The following LAMC2 variants were observed in gnomAD, a reference collection of about 807,000 sequenced individuals.
LAMC2 encodes the protein laminin subunit gamma 2.
Under a neutral mutation model 140.2 loss-of-function variants are expected in LAMC2, and 97 were observed. The ratio of observed to expected loss-of-function variants is 0.69; its 90% confidence interval spans 0.59 to 0.82. LAMC2 has a LOEUF of 0.82. Among genes scored for constraint, LAMC2 ranks in the 40% least tolerant of loss-of-function variants. The probability of loss-of-function intolerance (pLI) is 0.00; values close to 1 mark genes in which losing one functional copy is unlikely to be tolerated. For missense variants in LAMC2, 1,402 were observed against 1,476.1 expected, an observed-to-expected ratio of 0.95 and a Z score of 0.82; for synonymous variants, 513 against 540.2, an observed-to-expected ratio of 0.95 and a Z score of 0.70.
chr1:183,243,574 C>A lies in LAMC2; in HGVS notation c.*174C>A, dbSNP rs1660184071. ...ATGGCCAGGTGGTTGTCTTATTGCACCATACTCCTTGCTTCCTGATGCTGG... is the reference window on the plus strand; with the variant it reads ...ATGGCCAGGTGGTTGTCTTATTGCAACATACTCCTTGCTTCCTGATGCTGG... On this transcript the variant is annotated 3_prime_UTR_variant, in exon 23 of 23. Transcript: ENST00000264144. The A allele has an allele frequency of 5.4e-6, 4 of 734,620 alleles. No individual in the cohort carries two copies. The African/African-American group carries it at 6.9e-5, about 13-fold the overall frequency. The allele number at this position is 734,620 out of a possible 1,614,324, so 45.5% of individuals were successfully genotyped here.
At chr1:183,249,445 C>T (rs200643389), downstream of LAMC2, 1 of 152,150 alleles carries the variant, frequency 6.6e-6, no homozygotes, top group African/African-American at 2.4e-5. Context: ...CATGATTGTT[C>T]CAGTCCATGC....
chr1:183,227,651 G>A lies in LAMC2; in HGVS notation c.1422G>A (p.Pro474=), dbSNP rs148065050. The A allele has an allele frequency of 1.3e-4, 207 of 1,614,090 alleles. 1 individual carries two copies. The highest frequency in any genetic ancestry group is 8.2e-4 in the Middle Eastern group (5 of 6,084). ...CHNGFSCSVM[P]ETEEVVCNNC... Reference sequence around the variant, plus strand: ...ACGGGTTCAGCTGCTCAGTGATGCCGGAGACGGAGGAGGTGGTGTGCAATA... The same window carrying A: ...ACGGGTTCAGCTGCTCAGTGATGCCAGAGACGGAGGAGGTGGTGTGCAATA... Residue 474 remains proline (P), a synonymous_variant, in exon 10 of 23, where the codon CCG becomes CCA. Coordinates refer to ENST00000264144, the MANE Select transcript of LAMC2 (RefSeq NM_005562.3).
chr1:183,201,408 T>C (rs2102183716), intron 1 of LAMC2, among the ~76,000 whole-genome samples: 1 of 152,326 alleles, frequency 6.6e-6, no homozygotes, highest in East Asian at 1.9e-4. Flanking sequence ...TACTGAGCTT[T>C]TTCCCACCTT....
At chr1:183,203,668 A>G (rs746344553) in intron 1 of LAMC2, among the ~76,000 whole-genome samples, 3 of 151,984 alleles carry the variant, frequency 2.0e-5, no homozygotes, top group Admixed American at 1.3e-4. Context: ...CAAAGACTCA[A>G]TACTGAGTTA....
At chr1:183,221,715 C>T (rs1434954408) in intron 5 of LAMC2, among the ~76,000 whole-genome samples, 1 of 148,764 alleles carries the variant, frequency 6.7e-6, no homozygotes, top group East Asian at 2.0e-4. Flanking sequence ...GGTGACAGAG[C>T]GAGACTCCGT....
chr1:183,220,542 G>A (rs1659434850), intron 4 of LAMC2, among the ~76,000 whole-genome samples: 1 of 151,880 alleles, frequency 6.6e-6, no homozygotes, highest in African/African-American at 2.4e-5. Context: ...TCCTACCAAG[G>A]ACTGGCCGAC....
At position 183,232,798 on chromosome 1, in the gene LAMC2, A is replaced by G. The variant is rs778547833; in HGVS notation, c.2161A>G (p.Arg721Gly). Residue 721 changes from arginine (R) to glycine (G), a missense_variant, in exon 14 of 23, where the codon AGG (arginine) becomes GGG (glycine). By Grantham distance (125) the Arg-to-Gly change is moderately radical. Transcript: ENST00000264144. ...CCAGAACCGAGTTCGGGATACTCAC[A>G]GGCTCATCACTCAGATGCAGCTGAG... ...QYQNRVRDTH[R>G]LITQMQLSLA... The G allele has an allele frequency of 5.0e-6, 8 of 1,614,092 alleles. No individual in the cohort carries two copies. The highest frequency in any genetic ancestry group is 6.8e-6 in the Non-Finnish European group (8 of 1,180,024).
At chr1:183,256,571 T>G in the LAMC2 span, among the ~76,000 whole-genome samples, 1 of 152,238 alleles carries the variant, frequency 6.6e-6, no homozygotes, top group Non-Finnish European at 1.5e-5. Flanking sequence ...TGGTTTTATC[T>G]TTCAGTCTAT....
intron 2 of LAMC2, among the ~76,000 whole-genome samples, chr1:183,208,587 CTT>C (rs1000124753): frequency 7.2e-5 from 11 of 152,200 alleles, no homozygotes; most frequent in Admixed American, 2.6e-4. Flanking sequence ...AAATTGAAGT[CTT>C]TCATTAGGTT....
rs921888967 is a variant in LAMC2 at position 183,235,683 on chromosome 1, C to T, written c.2409C>T (p.Ser803=). Residue 803 remains serine, a synonymous_variant, in exon 16 of 23, where the codon AGC becomes AGT. Transcript: ENST00000264144. ...VRKALHEGVG[S]GSGSPDGAVV... is the part of the protein sequence containing the mutation. ...AGGCCCTGCATGAAGGAGTCGGAAG[C>T]GGAAGCGGTAGCCCGGACGGTGCTG... The T allele has an allele frequency of 6.2e-7, 1 of 1,614,222 alleles. No homozygotes were observed.
chr1:183,209,444 C>A (rs1659005670), intron 2 of LAMC2, among the ~76,000 whole-genome samples: 1 of 152,148 alleles, frequency 6.6e-6, no homozygotes, highest in African/African-American at 2.4e-5. Flanking sequence ...TCGCAGCAGT[C>A]ACCCCCCAAA....
At chr1:183,196,142 AT>A (rs34105869) in intron 1 of LAMC2, among the ~76,000 whole-genome samples, 33 of 148,282 alleles carry the variant, frequency 2.2e-4, no homozygotes, top group South Asian at 1.5e-3. Context: ...GATAAAAATG[AT>A]TTTTTTTTTT....
chr1:183,235,278 C>T (rs1326456883), intron 15 of LAMC2, among the ~76,000 whole-genome samples: 1 of 152,150 alleles, frequency 6.6e-6, no homozygotes, highest in East Asian at 1.9e-4. Flanking sequence ...CTTACAGATG[C>T]AGTGTTTTAT....
intron 1 of LAMC2, among the ~76,000 whole-genome samples, chr1:183,191,160 A>C (rs541976525): frequency 9.9e-5 from 15 of 151,972 alleles, no homozygotes; most frequent in South Asian, 2.1e-4. Context: ...AGTACCCTAT[A>C]ATATGCAAGA....
At chr1:183,217,636 C>T (rs762567236) in intron 3 of LAMC2, among the ~76,000 whole-genome samples, 1 of 152,100 alleles carries the variant, frequency 6.6e-6, no homozygotes, top group Non-Finnish European at 1.5e-5. Context: ...AAGCCAGTCA[C>T]GAAAGACCAC....
At chr1:183,231,306 T>C (rs1659794249) in intron 12 of LAMC2, among the ~76,000 whole-genome samples, 1 of 152,226 alleles carries the variant, frequency 6.6e-6, no homozygotes. Flanking sequence ...ATATATACCA[T>C]TTTCAAAACC....
chr1:183,222,129 T>G lies in LAMC2; in HGVS notation c.681T>G (p.Pro227=). 6.2e-7 allele frequency: 1 copy of G among 1,614,158 alleles called. No individual in the cohort carries two copies. The highest frequency in any genetic ancestry group is 1.1e-5 in the South Asian group (1 of 91,080). Residue 227 remains proline (P), a synonymous_variant, in exon 6 of 23, where the codon CCT becomes CCG. Transcript: ENST00000264144. ...AGGCTGTCCAACGAAATGGGTCTCC[T>G]GCAAAGCTCCAATGGTCACAGCGCC... ...GWKAVQRNGS[P]AKLQWSQRHQ... is the part of the protein sequence containing the mutation.
chr1:183,220,776 A>T (rs758281105), intron 4 of LAMC2, 49 bp from the exon 5 acceptor site: 17 of 1,567,674 alleles, frequency 1.1e-5, no homozygotes, highest in Admixed American at 3.4e-5. Context: ...TTTTTTCTAT[A>T]GAATAAAAAA....
At chr1:183,252,833 T>TTGTA in the LAMC2 span, 3 of 909,824 alleles carry the variant, frequency 3.3e-6, no homozygotes, top group Non-Finnish European at 5.4e-6. Context: ...AGCACCCCAT[T>TTGTA]TGTAGCCTTT....
Sources: allele counts gnomAD v4.1 joint callset (sites outside exome capture counted in the v4.1 genomes callset), GRCh38; gene constraint gnomAD v4.1.1; transcripts MANE v1.5; gene names NCBI Gene and HGNC (gene_info 2026-07-23, HGNC 2026-07-21).